ARID2: variants seen among roughly 807,000 people sequenced by gnomAD.
ARID2 encodes AT-rich interaction domain 2.
ARID2 carries 32 observed loss-of-function variants against 184.6 expected under a neutral mutation model. The observed-to-expected ratio is 0.17, with a 90% CI of 0.13 to 0.23. ARID2 has a LOEUF of 0.23. Among genes scored for constraint, ARID2 ranks in the 10% least tolerant of loss-of-function variants. ARID2 has a pLI of 1.00. For synonymous variants in ARID2, 836 were observed against 772.6 expected (o/e 1.08, Z -1.36); for missense variants, 1,696 against 2,197.6 (o/e 0.77, Z 4.56).
intron 16 of ARID2, among the ~76,000 whole-genome samples, chr12:45,863,170 G>A (rs1228276006): frequency 6.6e-6 from 1 of 152,180 alleles, no homozygotes; most frequent in Admixed American, 6.5e-5. Flanking sequence ...CATTTTAGTT[G>A]AGTCTTAAAG....
At chr12:45,889,077 G>C (rs1044970619) in intron 16 of ARID2, among the ~76,000 whole-genome samples, 3 of 152,156 alleles carry the variant, frequency 2.0e-5, no homozygotes, top group Non-Finnish European at 4.4e-5. Context: ...AGCTACTCGG[G>C]AGGCTGAGGC....
At position 45,811,452 on chromosome 12, in the gene ARID2, G is replaced by A. The variant is rs1462618917; in HGVS notation, c.319G>A (p.Gly107Arg). ...AAAGTACGAGAAAGTTCATCATTTT[G>A]GGGAGGATGATGATGAGGTACCACC... is the stretch of plus-strand genomic sequence containing the variant. ...LEKYEKVHHF[G>R]EDDDEVPPGN... is the part of the protein sequence containing the mutation. Residue 107 changes from glycine to arginine, a missense_variant, in exon 4 of 21, where the codon GGG becomes AGG. By Grantham distance (125) the Gly-to-Arg change is moderately radical. Coordinates refer to ENST00000334344, the MANE Select transcript of ARID2 (RefSeq NM_152641.4). The A allele has an allele frequency of 1.2e-6, 2 of 1,613,138 alleles. No individual in the cohort carries two copies. Among genetic ancestry groups the A allele is most frequent in the Admixed American group, 3.3e-5 (2 of 59,990 alleles).
In ARID2 at chr12:45,852,062, A is replaced by C. The variant is rs1252362585; in HGVS notation, c.3939A>C (p.Gln1313His). ...SLPPSNSGKI[Q>H]SETNQCSLIS... The stretch of plus-strand genomic sequence containing the variant: ...CTCCTTCAAACTCAGGGAAAATTCA[A>C]AGTGAGACTAATCAGTGCTCACTAA... The change falls in exon 15 of 21, where the codon CAA (glutamine) becomes CAC (histidine). Residue 1313 changes from glutamine to histidine, a missense_variant. Gln to His is a conservative substitution (Grantham distance 24, BLOSUM62 0). Coordinates refer to ENST00000334344, the MANE Select transcript of ARID2 (RefSeq NM_152641.4). 1 of 1,614,120 alleles carries C rather than the reference A, an allele frequency of 6.2e-7. No homozygotes were observed. The highest frequency in any genetic ancestry group is 8.5e-7 in the Non-Finnish European group (1 of 1,179,990).
At chr12:45,760,770 T>A (rs189538993) in intron 3 of ARID2, among the ~76,000 whole-genome samples, 1 of 152,162 alleles carries the variant, frequency 6.6e-6, no homozygotes, top group African/African-American at 2.4e-5. Context: ...TCATATTTTT[T>A]AGGTACCTTT....
chr12:45,797,081 A>T (rs895306616), intron 3 of ARID2, among the ~76,000 whole-genome samples: 1 of 152,180 alleles, frequency 6.6e-6, no homozygotes. Context: ...GTCATTGCTC[A>T]TTTTAAAAAT....
chr12:45,823,059 A>G (rs1292954711), intron 6 of ARID2, among the ~76,000 whole-genome samples: 2 of 152,082 alleles, frequency 1.3e-5, no homozygotes, highest in Non-Finnish European at 1.5e-5. Context: ...GGGATAGACC[A>G]TATCGTATGC....
intron 20 of ARID2, among the ~76,000 whole-genome samples, chr12:45,899,583 G>A (rs1449433243): frequency 6.7e-6 from 1 of 148,910 alleles, no homozygotes; most frequent in Non-Finnish European, 1.5e-5. Flanking sequence ...TCCAGCCTGG[G>A]CGACAGAGCG....
At chr12:45,870,588 G>A (rs913061114) in intron 16 of ARID2, among the ~76,000 whole-genome samples, 14 of 152,026 alleles carry the variant, frequency 9.2e-5, no homozygotes, top group African/African-American at 3.4e-4. Context: ...AATCCATTTT[G>A]CTTTACCTAT....
chr12:45,791,734 C>CA (rs1204388580), intron 3 of ARID2, among the ~76,000 whole-genome samples: 1 of 152,130 alleles, frequency 6.6e-6, no homozygotes, highest in African/African-American at 2.4e-5. Context: ...AGGTGGGACT[C>CA]ACAGGCGTGC....
chr12:45,803,941 G>A (rs1424992876), intron 3 of ARID2, among the ~76,000 whole-genome samples: 2 of 152,130 alleles, frequency 1.3e-5, no homozygotes, highest in African/African-American at 4.8e-5. Flanking sequence ...AATGAGTGAC[G>A]GTTCCTCTCT....
At chr12:45,856,486 T>G (rs1435623191) in intron 15 of ARID2, among the ~76,000 whole-genome samples, 1 of 152,206 alleles carries the variant, frequency 6.6e-6, no homozygotes, top group African/African-American at 2.4e-5. Flanking sequence ...ATTGTGATTT[T>G]TTTTGGAGAA....
At chr12:45,897,818 T>C (rs1944389239) in intron 20 of ARID2, among the ~76,000 whole-genome samples, 1 of 152,182 alleles carries the variant, frequency 6.6e-6, no homozygotes, top group South Asian at 2.1e-4. Flanking sequence ...TCACGCTTTT[T>C]AGTGTACAGT....
chr12:45,847,945 CTT>C (rs1943474620), intron 12 of ARID2, among the ~76,000 whole-genome samples: 4 of 151,760 alleles, frequency 2.6e-5, no homozygotes, highest in Admixed American at 2.6e-4. Flanking sequence ...TATATCTAGT[CTT>C]TTTGAAATTT....
At position 45,850,658 on chromosome 12, in the gene ARID2, T is replaced by C. The variant is rs1283452221; in HGVS notation, c.2535T>C (p.Thr845=). The change falls in exon 15 of 21, where the codon ACT becomes ACC. Residue 845 remains threonine (T), a synonymous_variant. Transcript: ENST00000334344. ...CAGCTGGTAGCCAGTCACAAGATAC[T>C]GTTATCATAGCACCCCCACAGTATG... ...QTSAGSQSQD[T]VIIAPPQYVT... is the part of the protein sequence containing the mutation. The C allele has an allele frequency of 6.2e-7, 1 of 1,614,152 alleles. No homozygotes were observed. Among genetic ancestry groups the C allele is most frequent in the Non-Finnish European group, 8.5e-7 (1 of 1,179,994 alleles).
At chr12:45,772,799 ATGG>A (rs1941901226) in intron 3 of ARID2, among the ~76,000 whole-genome samples, 2 of 152,206 alleles carry the variant, frequency 1.3e-5, no homozygotes, top group African/African-American at 4.8e-5. Context: ...TTTAAAAATA[ATGG>A]TTGCAGACTT....
intron 11 of ARID2, chr12:45,840,196 C>T (rs570228987): frequency 6.6e-6 from 1 of 152,082 alleles, no homozygotes; most frequent in Non-Finnish European, 1.5e-5. Context: ...ACTAAAAATA[C>T]ATATTTCATC....
intron 16 of ARID2, among the ~76,000 whole-genome samples, chr12:45,864,822 C>A (rs1164434275): frequency 1.3e-5 from 2 of 152,144 alleles, no homozygotes; most frequent in African/African-American, 4.8e-5. Flanking sequence ...TTTTATCAGT[C>A]ATTTGCCTTC....
chr12:45,855,320 T>G (rs1429165704), intron 15 of ARID2, among the ~76,000 whole-genome samples: 1 of 152,248 alleles, frequency 6.6e-6, no homozygotes, highest in Non-Finnish European at 1.5e-5. Flanking sequence ...CTTTCTTACA[T>G]TCTCACAAAG....
chr12:45,747,313 C>T (rs1377022812), intron 3 of ARID2, among the ~76,000 whole-genome samples: 5 of 152,010 alleles, frequency 3.3e-5, no homozygotes, highest in Non-Finnish European at 2.9e-5. Context: ...ATATTTATCT[C>T]AGTGGATTTT....
Sources: gnomAD v4.1 joint callset for allele counts (sites outside exome capture counted in the v4.1 genomes callset) on GRCh38, gnomAD v4.1.1 for gene constraint, MANE v1.5 for transcripts, NCBI Gene and HGNC (gene_info 2026-07-23, HGNC 2026-07-21) for gene names.